CCDC85A: variants seen among roughly 807,000 people sequenced by gnomAD.
CCDC85A encodes the protein coiled-coil domain-containing protein 85A.
A neutral mutation model predicts 50.2 loss-of-function variants in CCDC85A; 38 were observed. That is an observed-to-expected ratio of 0.76 (90% CI 0.58 to 0.99). CCDC85A has a LOEUF of 0.99. Ranked by LOEUF, CCDC85A falls within the 50% of genes least tolerant of loss-of-function variation. The pLI is 0.00. For missense variants in CCDC85A, 820 were observed against 742.0 expected (o/e 1.11, Z -1.22); for synonymous variants, 366 against 301.4 (o/e 1.21, Z -2.22).
chr2:56,243,991 T>C (rs957289239), intron 2 of CCDC85A, among the ~76,000 whole-genome samples: 2 of 152,208 alleles, frequency 1.3e-5, no homozygotes, highest in Admixed American at 1.3e-4. Context: ...CTCCAACAAA[T>C]AGAGTCTCTC....
At chr2:56,195,167 A>G (rs1188324586) in intron 2 of CCDC85A, among the ~76,000 whole-genome samples, 1 of 152,262 alleles carries the variant, frequency 6.6e-6, no homozygotes, top group Non-Finnish European at 1.5e-5. Flanking sequence ...TCTCTTTACA[A>G]AAGGGCTTCT....
intron 5 of CCDC85A, among the ~76,000 whole-genome samples, chr2:56,376,952 C>A (rs1327722931): frequency 6.6e-6 from 1 of 152,196 alleles, no homozygotes; most frequent in African/African-American, 2.4e-5. Context: ...CTTTCTGTGG[C>A]ATGCACAAAA....
At chr2:56,265,899 C>T (rs1670418446) in intron 2 of CCDC85A, among the ~76,000 whole-genome samples, 1 of 152,122 alleles carries the variant, frequency 6.6e-6, no homozygotes, top group African/African-American at 2.4e-5. Context: ...ATCTAAGTGT[C>T]CAACAGTAGA....
intron 2 of CCDC85A, among the ~76,000 whole-genome samples, chr2:56,297,583 C>T: frequency 1.3e-5 from 2 of 152,218 alleles, no homozygotes; most frequent in Middle Eastern, 6.8e-3. Flanking sequence ...CAGTGCAGGG[C>T]CATGGAAAGC....
chr2:56,237,563 C>T (rs1044468904), intron 2 of CCDC85A, among the ~76,000 whole-genome samples: 4 of 152,118 alleles, frequency 2.6e-5, no homozygotes, highest in African/African-American at 7.2e-5. Flanking sequence ...CATAACAACC[C>T]GTTAAAAGAA....
chr2:56,262,858 C>G (rs940615734), intron 2 of CCDC85A, among the ~76,000 whole-genome samples: 1 of 152,166 alleles, frequency 6.6e-6, no homozygotes, highest in African/African-American at 2.4e-5. Context: ...ATATATGTAA[C>G]CAGGGCATTT....
chr2:56,255,572 G>A (rs1031988002), intron 2 of CCDC85A, among the ~76,000 whole-genome samples: 1 of 152,040 alleles, frequency 6.6e-6, no homozygotes, highest in South Asian at 2.1e-4. Context: ...TCACAGCCAG[G>A]ATAAGGGGCC....
At chr2:56,226,276 A>C (rs539446250) in intron 2 of CCDC85A, among the ~76,000 whole-genome samples, 1 of 152,322 alleles carries the variant, frequency 6.6e-6, no homozygotes, top group East Asian at 1.9e-4. Flanking sequence ...AGCATCACTC[A>C]ATAATAGATG....
chr2:56,281,184 C>G (rs990818909), intron 2 of CCDC85A, among the ~76,000 whole-genome samples: 3 of 152,128 alleles, frequency 2.0e-5, no homozygotes, highest in Admixed American at 1.3e-4. Context: ...GTAAACAGAA[C>G]CATACAGTAT....
chr2:56,192,707 T>G lies in CCDC85A; in HGVS notation c.507T>G (p.Cys169Trp). 1 of 1,613,824 alleles carries G rather than the reference T, an allele frequency of 6.2e-7. No homozygotes were observed. Among genetic ancestry groups the G allele is most frequent in the Non-Finnish European group, 8.5e-7 (1 of 1,179,854 alleles). Residue 169 changes from cysteine to tryptophan, a missense_variant, in exon 2 of 6, where the codon TGT (cysteine) becomes TGG (tryptophan). Transcript: ENST00000407595. This position sits in a 1 kb window ranked among gnomAD's most constrained non-coding sequence, Gnocchi z 4.7. The part of the protein sequence containing the change: ...VKENMELKEL[C>W]VLLDEEKGAG... Reference sequence around the variant, plus strand: ...AGAACATGGAGCTCAAGGAGCTCTGTGTGCTACTAGATGAGGAGAAGGGTG... The same window carrying G: ...AGAACATGGAGCTCAAGGAGCTCTGGGTGCTACTAGATGAGGAGAAGGGTG...
intron 2 of CCDC85A, among the ~76,000 whole-genome samples, chr2:56,225,831 C>G (rs186049774): frequency 6.6e-6 from 1 of 152,162 alleles, no homozygotes; most frequent in Admixed American, 6.5e-5. Context: ...TGATCCTGCT[C>G]TTGTCTCAAG....
intron 5 of CCDC85A, among the ~76,000 whole-genome samples, chr2:56,382,349 A>G (rs1254026048): frequency 6.6e-6 from 1 of 151,970 alleles, no homozygotes; most frequent in Non-Finnish European, 1.5e-5. Flanking sequence ...TTTTGCTGTC[A>G]TTTCTAGTAT....
chr2:56,187,339 G>A (rs933498153), intron 1 of CCDC85A, among the ~76,000 whole-genome samples: 7 of 152,202 alleles, frequency 4.6e-5, no homozygotes, highest in African/African-American at 1.7e-4. Context: ...CTAAATATTT[G>A]TAAGGCTACC....
intron 2 of CCDC85A, among the ~76,000 whole-genome samples, chr2:56,293,271 C>T (rs1671799031): frequency 6.6e-6 from 1 of 152,118 alleles, no homozygotes; most frequent in Admixed American, 6.5e-5. Flanking sequence ...CACTGGCTAG[C>T]CATATGCAGA....
intron 3 of CCDC85A, among the ~76,000 whole-genome samples, chr2:56,359,917 CG>C (rs1160275748): frequency 6.6e-6 from 1 of 152,114 alleles, no homozygotes; most frequent in Non-Finnish European, 1.5e-5. Flanking sequence ...AAGGTGCTTT[CG>C]GAAGGACAGA....
intron 2 of CCDC85A, among the ~76,000 whole-genome samples, chr2:56,320,333 A>C (rs987790352): frequency 1.3e-5 from 2 of 152,182 alleles, no homozygotes; most frequent in African/African-American, 4.8e-5. Flanking sequence ...CCCTTCAAAA[A>C]AATCAATGAA....
chr2:56,269,944 G>A (rs1670626751), intron 2 of CCDC85A, among the ~76,000 whole-genome samples: 1 of 152,200 alleles, frequency 6.6e-6, no homozygotes, highest in Non-Finnish European at 1.5e-5. Context: ...GCTGTCGGTT[G>A]TTCTGCTATT....
At chr2:56,355,007 T>C (rs1675150509) in intron 3 of CCDC85A, among the ~76,000 whole-genome samples, 1 of 152,180 alleles carries the variant, frequency 6.6e-6, no homozygotes, top group South Asian at 2.1e-4. Context: ...CAGCCCGCTA[T>C]GAGTCTGCTT....
intron 2 of CCDC85A, among the ~76,000 whole-genome samples, chr2:56,244,914 T>C (rs1245422156): frequency 6.6e-6 from 1 of 152,022 alleles, no homozygotes; most frequent in Non-Finnish European, 1.5e-5. Flanking sequence ...GATTCCCTGT[T>C]CTACTGTGGC....
Sources: gnomAD v4.1 joint callset for allele counts (sites outside exome capture counted in the v4.1 genomes callset) on GRCh38, gnomAD v4.1.1 for gene constraint, Gnocchi (gnomAD v3.1) non-coding constraint, MANE v1.5 for transcripts, NCBI Gene and HGNC (gene_info 2026-07-23, HGNC 2026-07-21) for gene names.